The following SMARCD3 variants were observed in gnomAD, a reference collection of about 807,000 sequenced individuals.
SMARCD3 encodes SWI/SNF related BAF chromatin remodeling complex subunit D3.
SMARCD3 carries 14 observed loss-of-function variants against 58.0 expected under a neutral mutation model. The observed-to-expected ratio is 0.24, with a 90% CI of 0.16 to 0.38. SMARCD3 has a LOEUF of 0.38. SMARCD3 is among the 10% of genes least tolerant of loss of function. SMARCD3 has a pLI of 1.00. For synonymous variants in SMARCD3, 253 were observed against 253.8 expected (o/e 1.00, Z 0.03); for missense variants, 408 against 636.9 (o/e 0.64, Z 3.87).
In SMARCD3 at chr7:151,242,941, CAG is replaced by C. The variant is rs1485270644; in HGVS notation, c.334-100_334-99del. ...TGCAATCCTAGGGTACAAAAGATGTCAGGGGAGCCATCCTACTTTTGGGCATG... is the reference window on the plus strand; with the variant it reads ...TGCAATCCTAGGGTACAAAAGATGTCGGGAGCCATCCTACTTTTGGGCATG... On this transcript the variant is annotated intron_variant, in intron 3 of 12. Coordinates refer to ENST00000262188, the MANE Select transcript of SMARCD3 (RefSeq NM_001003801.2). This position sits in a 1 kb window ranked among gnomAD's most constrained non-coding sequence, Gnocchi z 4.7. 2 of 1,444,384 alleles carry C rather than the reference CAG, an allele frequency of 1.4e-6. No individual in the cohort carries two copies. The highest frequency in any genetic ancestry group is 2.8e-5 in the African/African-American group (2 of 70,534). 89.5% of individuals were successfully genotyped at this position (1,444,384 alleles called of 1,614,324 possible).
intron 2 of SMARCD3, among the ~76,000 whole-genome samples, chr7:151,269,271 C>G (rs1243536724): frequency 6.6e-6 from 1 of 152,174 alleles, no homozygotes; most frequent in African/African-American, 2.4e-5. Flanking sequence ...AGCTGGAGCT[C>G]AGCTTCTCTT....
chr7:151,239,826 G>C lies in SMARCD3; in HGVS notation c.1174-80C>G. 1 of 1,355,166 alleles carries C rather than the reference G, an allele frequency of 7.4e-7. No homozygotes were observed. The highest frequency in any genetic ancestry group is 2.3e-5 in the East Asian group (1 of 43,562). 83.9% of individuals were successfully genotyped at this position (1,355,166 alleles called of 1,614,324 possible). On this transcript the variant is annotated intron_variant, in intron 10 of 12. Transcript: ENST00000262188. This position sits in a 1 kb window ranked among gnomAD's most constrained non-coding sequence, Gnocchi z 7.0. ...GGGGAAAGGAAGCGGGTGGGAAGGG[G>C]AGGGAGAGGGGGTTTCTTCTGTGAA...
rs141767028 is a variant in SMARCD3, at chr7:151,265,842, A to C, written c.39+9272T>G. Among the ~76,000 whole-genome samples the C allele has an allele frequency of 9.8e-5, 15 of 152,298 alleles. No homozygotes were observed. In the East Asian group the frequency reaches 2.9e-3, roughly 29 times the overall value. ...TAGTAATGATTTGCCATATGTGAAA[A>C]TTCTCTTTAAGTCACAGAGTACTGA... is the stretch of plus-strand genomic sequence containing the variant. On this transcript the variant is annotated intron_variant, in intron 2 of 13. Coordinates refer to the SMARCD3 transcript ENST00000356800.
rs913243427 is a variant in SMARCD3, at chr7:151,241,149, C to T, written c.939+343G>A. ...AAGATAAGGAAACAAGGTTCAGAATCGCTGAGTCACTTACCCAGAGTCCAG... is the reference window on the plus strand; with the variant it reads ...AAGATAAGGAAACAAGGTTCAGAATTGCTGAGTCACTTACCCAGAGTCCAG... On this transcript the variant is annotated intron_variant, in intron 8 of 12. Transcript: ENST00000262188. This position sits in a 1 kb window ranked among gnomAD's most constrained non-coding sequence, Gnocchi z 5.3. The T allele has an allele frequency of 4.4e-5, 16 of 367,528 alleles. No individual in the cohort carries two copies. Among genetic ancestry groups the T allele is most frequent in the Admixed American group, 7.8e-5 (2 of 25,646 alleles). 22.8% of individuals were successfully genotyped at this position (367,528 alleles called of 1,614,324 possible).
chr7:151,258,576 A>AG lies in SMARCD3; in HGVS notation c.40-12906_40-12905insC, dbSNP rs1282970406. 1.3e-3 allele frequency among the ~76,000 whole-genome samples: 200 copies of AG among 150,526 alleles called. 1 individual carries two copies. Among genetic ancestry groups the AG allele is most frequent in the African/African-American group, 4.4e-3 (179 of 41,002 alleles). ...TGAGACTCTGCCTAAAAAAAAAAAAAAAAAGAAAAAGAAAAAGAAAAAGGG... is the reference window on the plus strand; with the variant it reads ...TGAGACTCTGCCTAAAAAAAAAAAAAGAAAAGAAAAAGAAAAAGAAAAAGGG... On this transcript the variant is annotated intron_variant, in intron 2 of 13. Transcript: ENST00000356800.
In SMARCD3 at chr7:151,243,414, C is replaced by T. The variant is rs1006280598; in HGVS notation, c.333+245G>A. On this transcript the variant is annotated intron_variant, in intron 3 of 12. Coordinates refer to ENST00000262188, the MANE Select transcript of SMARCD3 (RefSeq NM_001003801.2). This position sits in a 1 kb window ranked among gnomAD's most constrained non-coding sequence, Gnocchi z 4.4. ...TAGCTCTTGCCCCCTCCTGGTCCCA[C>T]AGCTCTATAGTACCACTTGGATCAA... Among the ~76,000 whole-genome samples the T allele has an allele frequency of 4.6e-5, 7 of 152,198 alleles. No individual in the cohort carries two copies. Among genetic ancestry groups the T allele is most frequent in the African/African-American group, 1.7e-4 (7 of 41,436 alleles).
Position 151,242,534 on chromosome 7 carries a change from C to T in SMARCD3, c.526G>A (p.Asp176Asn), listed in dbSNP as rs139354855. The T allele has an allele frequency of 1.7e-5, 28 of 1,613,986 alleles. No individual in the cohort carries two copies. Among genetic ancestry groups the T allele is most frequent in the African/African-American group, 2.7e-5 (2 of 74,902 alleles). Residue 176 changes from aspartate to asparagine, a missense_variant, in exon 5 of 13, where the codon GAC becomes AAC. Asp to Asn is a conservative substitution (Grantham distance 23). Coordinates refer to ENST00000262188, the MANE Select transcript of SMARCD3 (RefSeq NM_001003801.2). The surrounding 1 kb of genome is among the most constrained non-coding windows in gnomAD (Gnocchi z 4.7). ...AGCTCCCAGGAGGCAATGCTGCCGT[C>T]GGAATCCTCAGCATCAGGCTTCGCA... The part of the protein sequence containing the change: ...NPAKPDAEDS[D>N]GSIASWELRV...
chr7:151,257,411 C>G (rs1803736258), intron 2 of SMARCD3, among the ~76,000 whole-genome samples: 1 of 152,244 alleles, frequency 6.6e-6, no homozygotes, highest in African/African-American at 2.4e-5. Context: ...ACTGCAAACT[C>G]CGCCTCCTGG....
chr7:151,265,812 C>T (rs2150613105), intron 2 of SMARCD3, among the ~76,000 whole-genome samples: 1 of 152,256 alleles, frequency 6.6e-6, no homozygotes, highest in East Asian at 1.9e-4. Flanking sequence ...TTGTGAATAG[C>T]AAAATAGTAA....
rs1803232936 is a variant in SMARCD3, at chr7:151,245,815, GA to G, written c.79-145del. On this transcript the variant is annotated intron_variant, in intron 1 of 12. Coordinates refer to ENST00000262188, the MANE Select transcript of SMARCD3 (RefSeq NM_001003801.2). This position sits in a 1 kb window ranked among gnomAD's most constrained non-coding sequence, Gnocchi z 6.2. ...TGAGCGTTGAGCGATGGGTGGGAGC[GA>G]TGGGTAGGAGGGGCAGGGGCGCCGG... 1 of 383,538 alleles carries G rather than the reference GA, an allele frequency of 2.6e-6. No homozygotes were observed. Among genetic ancestry groups the G allele is most frequent in the South Asian group, 1.4e-4 (1 of 6,900 alleles). 23.8% of individuals were successfully genotyped at this position (383,538 alleles called of 1,614,324 possible).
In SMARCD3 at chr7:151,246,360, C is replaced by T. The variant is rs912012925; in HGVS notation, c.79-689G>A. Among the ~76,000 whole-genome samples the T allele has an allele frequency of 1.3e-5, 2 of 152,178 alleles. No individual in the cohort carries two copies. Among genetic ancestry groups the T allele is most frequent in the Non-Finnish European group, 2.9e-5 (2 of 68,032 alleles). ...CTCCCCTCGGCTGACTCCAAGTCCC[C>T]ACATCCAGGGTCTTCGCTGACCAAG... On this transcript the variant is annotated intron_variant, in intron 1 of 12. Coordinates refer to ENST00000262188, the MANE Select transcript of SMARCD3 (RefSeq NM_001003801.2). This position sits in a 1 kb window ranked among gnomAD's most constrained non-coding sequence, Gnocchi z 4.4.
Position 151,240,502 on chromosome 7 carries a change from C to T in SMARCD3, c.960G>A (p.Leu320=), listed in dbSNP as rs753546799. The T allele has an allele frequency of 4.0e-5, 64 of 1,613,426 alleles. No individual in the cohort carries two copies. The highest frequency in any genetic ancestry group is 5.2e-5 in the Non-Finnish European group (61 of 1,179,806). ...GGCGCTGGGGAATCTCAGAAAACTT[C>T]AGCCGGGGACAATCAAAAATCTGAA... ...YFQQIFDCPR[L]KFSEIPQRLT... Residue 320 remains leucine (L), a synonymous_variant, in exon 9 of 13, where the codon CTG becomes CTA. Coordinates refer to ENST00000262188, the MANE Select transcript of SMARCD3 (RefSeq NM_001003801.2).
At position 151,243,780 on chromosome 7, in the gene SMARCD3, C is replaced by T. The variant is rs1803123162; in HGVS notation, c.291-79G>A. 2.0e-6 allele frequency: 2 copies of T among 1,006,358 alleles called. No individual in the cohort carries two copies. The highest frequency in any genetic ancestry group is 1.7e-5 in the Admixed American group (1 of 59,126). The allele number at this position is 1,006,358 out of a possible 1,614,324, so 62.3% of individuals were successfully genotyped here. On this transcript the variant is annotated intron_variant, in intron 2 of 12. Transcript: ENST00000262188. This position sits in a 1 kb window ranked among gnomAD's most constrained non-coding sequence, Gnocchi z 4.4. ...AACGAGGCCACCTGCTAGATTATCC[C>T]GACATCTCCGCCCGCCTGGCTGGGG...
rs533912760 is a variant in SMARCD3, at chr7:151,275,021, G to T, written c.39+93C>A. The T allele has an allele frequency of 3.0e-6, 3 of 1,001,028 alleles. No homozygotes were observed. In the South Asian group the frequency reaches 4.1e-5, roughly 14 times the overall value. 62.0% of individuals were successfully genotyped at this position (1,001,028 alleles called of 1,614,324 possible). On this transcript the variant is annotated intron_variant, in intron 2 of 13. Transcript: ENST00000356800. Reference sequence around the variant, plus strand: ...CTGGGGGCAGAAATGCCGGGAGGGGGCCATGTGGTGGGAGCAGGAGCCGAG... The same window carrying T: ...CTGGGGGCAGAAATGCCGGGAGGGGTCCATGTGGTGGGAGCAGGAGCCGAG...
Position 151,242,296 on chromosome 7 carries a change from GC to G in SMARCD3, c.580-65del, listed in dbSNP as rs1803034080. The G allele has an allele frequency of 6.8e-7, 1 of 1,465,724 alleles. No individual in the cohort carries two copies. Among genetic ancestry groups the G allele is most frequent in the African/African-American group, 1.4e-5 (1 of 71,896 alleles). The allele number at this position is 1,465,724 out of a possible 1,614,324, so 90.8% of individuals were successfully genotyped here. A position where few individuals can be genotyped will look rare whatever the true frequency, so the allele number is the denominator to read the frequency against. Reference sequence around the variant, plus strand: ...GACGAGGTGGGAGGAGCAGAAGGAGGCCAAGTTGGCAGCCGACAGGGCAGTG... The same window carrying G: ...GACGAGGTGGGAGGAGCAGAAGGAGGCAAGTTGGCAGCCGACAGGGCAGTG... On this transcript the variant is annotated intron_variant, in intron 5 of 12. Transcript: ENST00000262188. This position sits in a 1 kb window ranked among gnomAD's most constrained non-coding sequence, Gnocchi z 4.7.
At chr7:151,269,429 G>A (rs1563694774) in intron 2 of SMARCD3, among the ~76,000 whole-genome samples, 1 of 152,228 alleles carries the variant, frequency 6.6e-6, no homozygotes, top group East Asian at 1.9e-4. Flanking sequence ...CCTGCGCCCT[G>A]CTGGCTCACT....
intron 2 of SMARCD3, among the ~76,000 whole-genome samples, chr7:151,258,437 CAA>C (rs1412291371): frequency 1.3e-4 from 19 of 151,682 alleles, no homozygotes; most frequent in Non-Finnish European, 2.2e-4. Flanking sequence ...TGGTGGCATG[CAA>C]CTGTAATCCC....
At position 151,272,742 on chromosome 7, in the gene SMARCD3, A is replaced by G. The variant is rs1795218670; in HGVS notation, c.39+2372T>C. On this transcript the variant is annotated intron_variant, in intron 2 of 13. Transcript: ENST00000356800. ...CTCTACGGTCCTTTATGAGTCACCAAGGATTCCCACACCCCTCATTAGCAA... is the reference window on the plus strand; with the variant it reads ...CTCTACGGTCCTTTATGAGTCACCAGGGATTCCCACACCCCTCATTAGCAA... 2.0e-5 allele frequency among the ~76,000 whole-genome samples: 3 copies of G among 152,266 alleles called. No homozygotes were observed. The South Asian group carries it at 6.2e-4, about 32-fold the overall frequency.
At position 151,239,553 on chromosome 7, in the gene SMARCD3, A is replaced by C. The variant is rs1369536286; in HGVS notation, c.1297-56T>G. The C allele has an allele frequency of 2.5e-6, 4 of 1,609,478 alleles. No homozygotes were observed. The highest frequency in any genetic ancestry group is 3.4e-6 in the Non-Finnish European group (4 of 1,176,240). On this transcript the variant is annotated intron_variant, in intron 11 of 12. Transcript: ENST00000262188. This position sits in a 1 kb window ranked among gnomAD's most constrained non-coding sequence, Gnocchi z 7.0. ...CCTGAATCCCCTCACCTGCCCCTGG[A>C]GTACAACGTTTACTCTCTTTCCCGC...
Sources: allele counts gnomAD v4.1 joint callset (sites outside exome capture counted in the v4.1 genomes callset), GRCh38; gene constraint gnomAD v4.1.1; non-coding constraint Gnocchi (gnomAD v3.1); transcripts MANE v1.5; gene names NCBI Gene and HGNC (gene_info 2026-07-23, HGNC 2026-07-21).